The following HAUS6 variants were observed in gnomAD, a reference collection of about 807,000 sequenced individuals.
The protein encoded by HAUS6 is HAUS augmin like complex subunit 6.
Under a neutral mutation model 106.8 loss-of-function variants are expected in HAUS6, and 80 were observed. The observed-to-expected ratio is 0.75, with a 90% CI of 0.63 to 0.90. The LOEUF is 0.90. Ranked by LOEUF, HAUS6 falls within the 40% of genes least tolerant of loss-of-function variation. HAUS6 has a pLI of 0.00. For missense variants in HAUS6, 1,155 were observed against 1,118.1 expected (o/e 1.03, Z -0.47); for synonymous variants, 356 against 379.1 (o/e 0.94, Z 0.71).
intron 14 of HAUS6, 33 bp downstream of exon 14, chr9:19,062,975 T>C: frequency 6.8e-7 from 1 of 1,480,410 alleles, no homozygotes; most frequent in Non-Finnish European, 9.4e-7. Flanking sequence ...CAATAACTGA[T>C]ATTTAAGTAT....
chr9:19,060,212 T>C lies in HAUS6; in HGVS notation c.1641A>G (p.Ala547=). Residue 547 remains alanine, a synonymous_variant, in exon 15 of 17, where the codon GCA becomes GCG. Coordinates refer to ENST00000380502, the MANE Select transcript of HAUS6 (RefSeq NM_017645.5). ...QDHLVEEVAR[A]VLSDSPQLSE... is the part of the protein sequence containing the mutation. ...AGAGCTGTGGTGAATCAGATAAAAC[T>C]GCTCTGGCAACCTAAAACAGAAAAG... 6.4e-7 allele frequency: 1 copy of C among 1,551,014 alleles called. No individual in the cohort carries two copies. The highest frequency in any genetic ancestry group is 8.7e-7 in the Non-Finnish European group (1 of 1,154,274).
intron 15 of HAUS6, 189 bp downstream of exon 15, chr9:19,059,899 T>G: frequency 2.2e-6 from 1 of 461,960 alleles, no homozygotes; most frequent in Non-Finnish European, 3.9e-6. Context: ...CTCTGTATAT[T>G]GAGTACACTG....
chr9:19,097,598 C>A (rs1431103083), intron 1 of HAUS6, among the ~76,000 whole-genome samples: 2 of 152,044 alleles, frequency 1.3e-5, no homozygotes, highest in African/African-American at 4.8e-5. Flanking sequence ...AGTCAGGAAA[C>A]AACAGGTGCT....
chr9:19,083,983 G>A (rs1837224709), intron 7 of HAUS6, among the ~76,000 whole-genome samples: 1 of 149,586 alleles, frequency 6.7e-6, no homozygotes, highest in African/African-American at 2.5e-5. Flanking sequence ...ACGCACAGTG[G>A]CGCATACCTG....
chr9:19,092,497 C>A (rs1817773316), intron 4 of HAUS6, among the ~76,000 whole-genome samples: 1 of 151,502 alleles, frequency 6.6e-6, no homozygotes, highest in South Asian at 2.1e-4. Context: ...TGCCTGTAAT[C>A]CCAGCTACTC....
chr9:19,070,351 A>C (rs1462594002), intron 11 of HAUS6, 51 bp from the exon 12 acceptor site: 2 of 984,230 alleles, frequency 2.0e-6, no homozygotes, highest in African/African-American at 3.2e-5. Context: ...GTACATTCTA[A>C]CATTCAAGGA....
At chr9:19,102,474 G>A (rs1468582581) in intron 1 of HAUS6, 50 bp downstream of exon 1, 2 of 1,586,916 alleles carry the variant, frequency 1.3e-6, no homozygotes, top group Non-Finnish European at 1.7e-6. Flanking sequence ...GGAGTCCCCC[G>A]GCGTCCCCCG....
rs546253986 is a variant in HAUS6 at position 19,074,856 on chromosome 9, T to C, written c.1294+1746A>G. ...ACAGAACCTAATTGTCTTGTACACA[T>C]GTGCTAATTAACACAGGTTAATTAT... On this transcript the variant is annotated intron_variant, in intron 11 of 16. Transcript: ENST00000380502. Among the ~76,000 whole-genome samples, 155 of 152,322 alleles carry C rather than the reference T, an allele frequency of 1.0e-3. 3 individuals are homozygous for C. In the Middle Eastern group the frequency reaches 0.017, roughly 17 times the overall value.
intron 4 of HAUS6, among the ~76,000 whole-genome samples, chr9:19,090,050 G>C (rs1057026692): frequency 1.3e-5 from 2 of 151,896 alleles, no homozygotes; most frequent in East Asian, 3.9e-4. Context: ...TGTTGCCCAG[G>C]CTAGTCTTGA....
intron 12 of HAUS6, among the ~76,000 whole-genome samples, chr9:19,065,308 A>G (rs1198578878): frequency 6.6e-6 from 1 of 152,220 alleles, no homozygotes; most frequent in African/African-American, 2.4e-5. Context: ...ATGAAATCCT[A>G]GCACTGTAAC....
intron 10 of HAUS6, among the ~76,000 whole-genome samples, chr9:19,077,472 C>T (rs187840771): frequency 9.2e-5 from 14 of 152,248 alleles, no homozygotes; most frequent in African/African-American, 3.1e-4. Flanking sequence ...AAGGCAGAGG[C>T]TGCAGTGAGC....
intron 7 of HAUS6, 152 bp from the exon 8 acceptor site, chr9:19,083,195 T>C (rs1241364511): frequency 4.6e-6 from 2 of 436,310 alleles, no homozygotes; most frequent in Non-Finnish European, 8.1e-6. Flanking sequence ...AAAAGTCCCT[T>C]TGGATATTAT....
intron 7 of HAUS6, among the ~76,000 whole-genome samples, chr9:19,085,480 C>A (rs547438026): frequency 6.6e-6 from 1 of 152,016 alleles, no homozygotes; most frequent in African/African-American, 2.4e-5. Context: ...AATACATTCA[C>A]TGAATAAAAA....
Position 19,074,416 on chromosome 9 carries a change from C to T in HAUS6, c.1294+2186G>A, listed in dbSNP as rs147893073. On this transcript the variant is annotated intron_variant, in intron 11 of 16. Coordinates refer to ENST00000380502, the MANE Select transcript of HAUS6 (RefSeq NM_017645.5). ...CCTCCTGAATAGCTAGGACTACAGACACACACCACCAGGCCTGGCTAATTT... is the reference window on the plus strand; with the variant it reads ...CCTCCTGAATAGCTAGGACTACAGATACACACCACCAGGCCTGGCTAATTT... Among the ~76,000 whole-genome samples the T allele has an allele frequency of 2.5e-3, 380 of 152,204 alleles. 3 individuals carry two copies. The highest frequency in any genetic ancestry group is 8.8e-3 in the African/African-American group (366 of 41,520).
At chr9:19,079,647 T>A (rs1006892574) in intron 9 of HAUS6, among the ~76,000 whole-genome samples, 1 of 151,890 alleles carries the variant, frequency 6.6e-6, no homozygotes, top group African/African-American at 2.4e-5. Context: ...TTCTGGTTAA[T>A]AAAAAAACTG....
At chr9:19,075,617 T>C (rs565332493) in intron 11 of HAUS6, among the ~76,000 whole-genome samples, 1 of 151,974 alleles carries the variant, frequency 6.6e-6, no homozygotes, top group East Asian at 1.9e-4. Flanking sequence ...TATGACTTCA[T>C]TTATATGAAA....
chr9:19,080,174 CAAAAAAAAAAA>C (rs746423003), intron 9 of HAUS6, among the ~76,000 whole-genome samples: 1 of 37,592 alleles, frequency 2.7e-5, no homozygotes, highest in Non-Finnish European at 5.5e-5. Flanking sequence ...AACTCCGTCT[CAAAAAAAAAAA>C]AAAAAAAAAA....
At chr9:19,076,566 A>T in intron 11 of HAUS6, 36 bp downstream of exon 11, 1 of 852,526 alleles carries the variant, frequency 1.2e-6, no homozygotes, top group South Asian at 1.4e-5. Flanking sequence ...GACAGGAAGG[A>T]GGTTTCAAAG....
chr9:19,082,797 A>C, intron 8 of HAUS6, 76 bp downstream of exon 8: 1 of 772,358 alleles, frequency 1.3e-6, no homozygotes, highest in Non-Finnish European at 1.9e-6. Context: ...TTCTGAAAGC[A>C]GAAGAACATT....
Sources: allele counts gnomAD v4.1 joint callset (sites outside exome capture counted in the v4.1 genomes callset), GRCh38; gene constraint gnomAD v4.1.1; transcripts MANE v1.5; gene names NCBI Gene and HGNC (gene_info 2026-07-23, HGNC 2026-07-21).